Variants in ARHGAP26 observed in about 807,000 individuals in gnomAD.
ARHGAP26 encodes Rho GTPase activating protein 26, also known as rho GTPase-activating protein 26.
ARHGAP26 carries 38 observed loss-of-function variants against 104.8 expected under a neutral mutation model. The ratio of observed to expected loss-of-function variants is 0.36; its 90% CI spans 0.28 to 0.48. ARHGAP26 has a LOEUF of 0.48. Ranked by LOEUF, ARHGAP26 falls within the 20% of genes least tolerant of loss-of-function variation. The pLI is 0.99. For synonymous variants in ARHGAP26, 341 were observed against 340.0 expected, an observed-to-expected ratio of 1.00 and a Z score of -0.03; for missense variants, 704 against 947.9, an observed-to-expected ratio of 0.74 and a Z score of 3.38.
At chr5:143,050,110 G>A (rs1020532158) in intron 14 of ARHGAP26, among the ~76,000 whole-genome samples, 1 of 152,174 alleles carries the variant, frequency 6.6e-6, no homozygotes, top group Non-Finnish European at 1.5e-5. Context: ...CTATGTTGTT[G>A]GTGGGCAGAG....
intron 11 of ARHGAP26, among the ~76,000 whole-genome samples, chr5:142,983,600 T>G (rs1036245861): frequency 1.3e-5 from 2 of 152,206 alleles, no homozygotes; most frequent in African/African-American, 4.8e-5. Context: ...GAAAAGAGAA[T>G]GCAGATTTTC....
At chr5:143,110,651 A>G (rs1418283551) in intron 17 of ARHGAP26, among the ~76,000 whole-genome samples, 1 of 152,224 alleles carries the variant, frequency 6.6e-6, no homozygotes, top group South Asian at 2.1e-4. Context: ...ATCAATGATA[A>G]TGAATGTGGA....
At chr5:142,808,236 GAAAAAAAAAAAAAAAAAAAAA>G (rs58550799) in intron 1 of ARHGAP26, among the ~76,000 whole-genome samples, 420 of 32,686 alleles carry the variant, frequency 0.013, 10 homozygotes, top group African/African-American at 0.034. Context: ...CATTGTCTCG[GAAAAAAAAAAAAAAAAAAAAA>G]AAAAAAAAAA....
At chr5:143,198,015 C>T (rs189142739) in intron 20 of ARHGAP26, among the ~76,000 whole-genome samples, 55 of 152,336 alleles carry the variant, frequency 3.6e-4, no homozygotes, top group Admixed American at 8.5e-4. Flanking sequence ...GTCATAGTTT[C>T]TTGCTTACAG....
At chr5:142,907,838 G>T (rs1230030277) in intron 9 of ARHGAP26, 34 bp downstream of exon 9, 2 of 1,486,186 alleles carry the variant, frequency 1.3e-6, no homozygotes, top group South Asian at 1.2e-5. Flanking sequence ...TGTTTGATTT[G>T]CTTGGCTAAC....
At chr5:142,827,432 T>C (rs907091529) in intron 1 of ARHGAP26, among the ~76,000 whole-genome samples, 20 of 152,256 alleles carry the variant, frequency 1.3e-4, no homozygotes, top group Admixed American at 9.2e-4. Context: ...CAGAAAGCCC[T>C]GCATAAATGA....
intron 1 of ARHGAP26, among the ~76,000 whole-genome samples, chr5:142,849,012 C>T (rs1750984076): frequency 6.6e-6 from 1 of 152,210 alleles, no homozygotes; most frequent in African/African-American, 2.4e-5. Flanking sequence ...CTGAAATTTA[C>T]TGGAAGTCTC....
intron 17 of ARHGAP26, among the ~76,000 whole-genome samples, chr5:143,066,916 C>T (rs1787575819): frequency 6.6e-6 from 1 of 152,170 alleles, no homozygotes; most frequent in Admixed American, 6.5e-5. Context: ...TCACACTTCC[C>T]TGTGAATATC....
rs189994789 is a variant in ARHGAP26, at chr5:142,916,097, A to C, written c.1028+2804A>C. ...AGTGAAAGAGGGGATGGTTATATTT[A>C]ATCGCATAAGGGTTTAAGGTACTCC... On this transcript the variant is annotated intron_variant, in intron 10 of 22. Coordinates refer to ENST00000645722, the MANE Select transcript of ARHGAP26 (RefSeq NM_001135608.3). Among the ~76,000 whole-genome samples, 68 of 152,290 alleles carry C rather than the reference A, an allele frequency of 4.5e-4. No homozygotes were observed. In the South Asian group the frequency reaches 6.8e-3, roughly 15 times the overall value.
At chr5:142,867,068 G>C (rs1316917527) in intron 1 of ARHGAP26, among the ~76,000 whole-genome samples, 2 of 152,166 alleles carry the variant, frequency 1.3e-5, no homozygotes, top group African/African-American at 2.4e-5. Flanking sequence ...TTTCTAGGTG[G>C]TTATTTGTTC....
intron 11 of ARHGAP26, among the ~76,000 whole-genome samples, chr5:142,936,145 A>ACACACC (rs764972784): frequency 2.0e-4 from 30 of 149,346 alleles, no homozygotes; most frequent in South Asian, 4.3e-4. Context: ...ACACACACAC[A>ACACACC]CCCCTTCTAT....
chr5:142,833,924 G>A (rs566208202), intron 1 of ARHGAP26, among the ~76,000 whole-genome samples: 2 of 152,224 alleles, frequency 1.3e-5, no homozygotes, highest in South Asian at 2.1e-4. Context: ...CTGGGATTTC[G>A]GGGCCATCTT....
chr5:143,065,887 A>G (rs927395433), intron 17 of ARHGAP26, among the ~76,000 whole-genome samples: 1 of 152,306 alleles, frequency 6.6e-6, no homozygotes, highest in East Asian at 1.9e-4. Flanking sequence ...CTCAGAAGCA[A>G]TTGTTCAACA....
chr5:143,155,935 G>T (rs1459749823), intron 20 of ARHGAP26, among the ~76,000 whole-genome samples: 1 of 152,162 alleles, frequency 6.6e-6, no homozygotes. Flanking sequence ...GAATTTAGCT[G>T]CCCTCAAATG....
At chr5:143,017,792 A>G in intron 12 of ARHGAP26, among the ~76,000 whole-genome samples, 1 of 152,186 alleles carries the variant, frequency 6.6e-6, no homozygotes, top group East Asian at 1.9e-4. Flanking sequence ...TCATGCCTCC[A>G]ACTCCTCATC....
At chr5:143,126,730 A>G (rs1419113790) in intron 18 of ARHGAP26, among the ~76,000 whole-genome samples, 2 of 152,160 alleles carry the variant, frequency 1.3e-5, no homozygotes, top group Non-Finnish European at 2.9e-5. Context: ...TTATATGAGA[A>G]CTAAAGAGTA....
At chr5:142,947,824 C>A (rs1196385627) in intron 11 of ARHGAP26, among the ~76,000 whole-genome samples, 1 of 152,096 alleles carries the variant, frequency 6.6e-6, no homozygotes, top group Admixed American at 6.6e-5. Context: ...TGGCCAAGAT[C>A]GTTGAGTATA....
intron 20 of ARHGAP26, among the ~76,000 whole-genome samples, chr5:143,183,409 A>G (rs1206186729): frequency 6.6e-6 from 1 of 152,184 alleles, no homozygotes; most frequent in African/African-American, 2.4e-5. Context: ...CCTGCCTGGT[A>G]ATAAGCCTTC....
At chr5:143,049,823 C>T (rs1280149602) in intron 14 of ARHGAP26, among the ~76,000 whole-genome samples, 4 of 152,156 alleles carry the variant, frequency 2.6e-5, no homozygotes, top group African/African-American at 9.7e-5. Flanking sequence ...GGTCATGGTC[C>T]TGGGAGAAGC....
Sources: gnomAD v4.1 joint callset for allele counts (sites outside exome capture counted in the v4.1 genomes callset) on GRCh38, gnomAD v4.1.1 for gene constraint, MANE v1.5 for transcripts, NCBI Gene and HGNC (gene_info 2026-07-23, HGNC 2026-07-21) for gene names.